Variants in KCNB2 observed in about 807,000 individuals in gnomAD.
KCNB2 encodes potassium voltage-gated channel subfamily B member 2, also known as delayed rectifier potassium channel protein.
A neutral mutation model predicts 61.5 loss-of-function variants in KCNB2; 15 were observed. That is an observed-to-expected ratio of 0.24 (90% CI 0.16 to 0.38). The LOEUF is 0.38. Among genes scored for constraint, KCNB2 ranks in the 10% least tolerant of loss-of-function variants. KCNB2 has a pLI of 1.00. For synonymous variants in KCNB2, 457 were observed against 446.0 expected, an observed-to-expected ratio of 1.02 and a Z score of -0.31; for missense variants, 828 against 1,125.2, an observed-to-expected ratio of 0.74 and a Z score of 3.78.
At chr8:72,803,442 A>G (rs1416635683) in intron 2 of KCNB2, among the ~76,000 whole-genome samples, 1 of 152,226 alleles carries the variant, frequency 6.6e-6, no homozygotes, top group East Asian at 1.9e-4. Flanking sequence ...TAGGAACTAC[A>G]TCACCAAAGT....
At chr8:72,899,185 C>A (rs948447871) in intron 2 of KCNB2, among the ~76,000 whole-genome samples, 2 of 152,114 alleles carry the variant, frequency 1.3e-5, no homozygotes, top group Non-Finnish European at 2.9e-5. Context: ...TTCAATAAAA[C>A]CCAATATCCC....
intron 2 of KCNB2, among the ~76,000 whole-genome samples, chr8:72,761,096 G>A (rs1366555650): frequency 6.6e-6 from 1 of 152,184 alleles, no homozygotes; most frequent in African/African-American, 2.4e-5. Context: ...CAGAGGGTAA[G>A]CTTCCAATTG....
In KCNB2 at chr8:72,562,777, G is replaced by A. The variant is rs546486264; in HGVS notation, c.-93-4865G>A. Among the ~76,000 whole-genome samples, 29 of 152,046 alleles carry A rather than the reference G, an allele frequency of 1.9e-4. 1 individual carries two copies. The South Asian group carries it at 5.8e-3, about 31-fold the overall frequency. On this transcript the variant is annotated intron_variant, in intron 1 of 2. Coordinates refer to ENST00000523207, the MANE Select transcript of KCNB2 (RefSeq NM_004770.3). ...TGAACTACATGATTAATTTTATGGG[G>A]TAAAAAATCATTATGATAGACATAA...
At chr8:72,701,915 A>G (rs922758287) in intron 2 of KCNB2, among the ~76,000 whole-genome samples, 1 of 152,222 alleles carries the variant, frequency 6.6e-6, no homozygotes, top group Non-Finnish European at 1.5e-5. Context: ...GTAATATTGT[A>G]CATTTGAACA....
chr8:72,856,232 T>C (rs1381744244), intron 2 of KCNB2, among the ~76,000 whole-genome samples: 1 of 152,138 alleles, frequency 6.6e-6, no homozygotes, highest in Non-Finnish European at 1.5e-5. Flanking sequence ...ATAGCCAACA[T>C]ATCATTTCAA....
intron 1 of KCNB2, among the ~76,000 whole-genome samples, chr8:72,553,792 A>G (rs1032416498): frequency 2.0e-5 from 3 of 152,150 alleles, no homozygotes; most frequent in African/African-American, 7.2e-5. Context: ...TATTATGGTA[A>G]TCATTTTTGT....
chr8:72,857,952 A>G (rs887536632), intron 2 of KCNB2, among the ~76,000 whole-genome samples: 1 of 152,186 alleles, frequency 6.6e-6, no homozygotes, highest in Non-Finnish European at 1.5e-5. Context: ...TGCAATGTCT[A>G]CACTCTTTCC....
intron 2 of KCNB2, among the ~76,000 whole-genome samples, chr8:72,597,778 A>G (rs561015751): frequency 8.5e-5 from 13 of 152,280 alleles, no homozygotes; most frequent in Admixed American, 2.6e-4. Context: ...TTCATCCCTA[A>G]CTTTATCAGC....
intron 2 of KCNB2, among the ~76,000 whole-genome samples, chr8:72,758,233 T>G (rs1270604106): frequency 6.6e-6 from 1 of 151,924 alleles, no homozygotes; most frequent in Non-Finnish European, 1.5e-5. Flanking sequence ...CAAGGACAAA[T>G]AAAAGAGTGG....
intron 2 of KCNB2, among the ~76,000 whole-genome samples, chr8:72,903,751 G>T (rs1398950957): frequency 6.6e-6 from 1 of 152,064 alleles, no homozygotes; most frequent in Admixed American, 6.5e-5. Context: ...CATCTAGGAA[G>T]CCAGATACCT....
intron 1 of KCNB2, among the ~76,000 whole-genome samples, chr8:72,544,884 G>A (rs1156846782): frequency 6.6e-6 from 1 of 152,076 alleles, no homozygotes; most frequent in Non-Finnish European, 1.5e-5. Context: ...ACATAGAGAA[G>A]GCACACCCAA....
chr8:72,852,079 T>A (rs10094593), intron 2 of KCNB2, among the ~76,000 whole-genome samples: 129,148 of 151,484 alleles, frequency 0.85, 56,013 homozygotes, highest in Middle Eastern at 0.96. Flanking sequence ...TAAAAAAATT[T>A]AAAAAATAAA....
chr8:72,713,015 C>A (rs191024039), intron 2 of KCNB2, among the ~76,000 whole-genome samples: 11 of 152,328 alleles, frequency 7.2e-5, no homozygotes, highest in Admixed American at 7.2e-4. Flanking sequence ...GAGATTATAT[C>A]CCACACATGG....
intron 2 of KCNB2, 24 bp from the exon 3 acceptor site, chr8:72,935,911 G>C (rs1299588660): frequency 3.2e-6 from 5 of 1,577,582 alleles, no homozygotes; most frequent in Admixed American, 1.7e-5. Context: ...AGGATTTGCT[G>C]ACTTGGACTT....
chr8:72,792,300 A>C (rs1027845346), intron 2 of KCNB2, among the ~76,000 whole-genome samples: 2 of 152,180 alleles, frequency 1.3e-5, no homozygotes, highest in Non-Finnish European at 2.9e-5. Flanking sequence ...AGCATTTTAA[A>C]AATATTTTTC....
intron 2 of KCNB2, among the ~76,000 whole-genome samples, chr8:72,636,855 A>G (rs931933855): frequency 1.2e-4 from 19 of 152,186 alleles, no homozygotes; most frequent in African/African-American, 3.4e-4. Context: ...AAACAGCCAT[A>G]AAAGTCCGAT....
intron 2 of KCNB2, among the ~76,000 whole-genome samples, chr8:72,717,646 T>C (rs1329499497): frequency 6.6e-6 from 1 of 152,014 alleles, no homozygotes; most frequent in Non-Finnish European, 1.5e-5. Context: ...TCCTTACACC[T>C]TATACAAAAA....
intron 2 of KCNB2, among the ~76,000 whole-genome samples, chr8:72,691,337 T>A (rs1345841489): frequency 6.6e-6 from 1 of 152,206 alleles, no homozygotes; most frequent in East Asian, 1.9e-4. Flanking sequence ...CAGCCAATGT[T>A]GAAGTTGCCA....
chr8:72,541,782 G>C (rs1008329591), intron 1 of KCNB2, among the ~76,000 whole-genome samples: 2 of 152,028 alleles, frequency 1.3e-5, no homozygotes, highest in Non-Finnish European at 2.9e-5. Context: ...AGAAAATGAG[G>C]CTGGCTGATG....
Sources: allele counts gnomAD v4.1 joint callset (sites outside exome capture counted in the v4.1 genomes callset), GRCh38; gene constraint gnomAD v4.1.1; transcripts MANE v1.5; gene names NCBI Gene and HGNC (gene_info 2026-07-23, HGNC 2026-07-21).